SLC7A7: variants seen among roughly 807,000 people sequenced by gnomAD.
The protein encoded by SLC7A7 is Y+L amino acid transporter 1.
In SLC7A7, 39 loss-of-function variants were observed where a neutral mutation model predicts 47.9. The observed-to-expected ratio is 0.81, with a 90% CI of 0.63 to 1.06. The LOEUF (loss-of-function observed/expected upper bound fraction) is 1.06. Ranked by LOEUF, SLC7A7 falls within the 50% of genes least tolerant of loss-of-function variation. The pLI, the probability that SLC7A7 is intolerant of heterozygous loss-of-function variation, is 0.00. For synonymous variants in SLC7A7, 234 were observed against 242.8 expected (o/e 0.96, Z 0.34); for missense variants, 588 against 632.0 (o/e 0.93, Z 0.75).
chr14:22,805,376 A>C (rs2039183650), intron 2 of SLC7A7, among the ~76,000 whole-genome samples: 1 of 152,222 alleles, frequency 6.6e-6, no homozygotes, highest in Non-Finnish European at 1.5e-5. Context: ...AAAGAAAAAG[A>C]AAGGTACGGC....
chr14:22,788,495 GAGTTTGAGA>G (rs2038860342), intron 2 of SLC7A7, among the ~76,000 whole-genome samples: 2 of 151,880 alleles, frequency 1.3e-5, no homozygotes, highest in Non-Finnish European at 2.9e-5. Context: ...ACAAAGTCAG[GAGTTTGAGA>G]TCAGCCTGGC....
At chr14:22,787,479 C>T (rs1163442138) in intron 2 of SLC7A7, among the ~76,000 whole-genome samples, 1 of 150,828 alleles carries the variant, frequency 6.6e-6, no homozygotes, top group Non-Finnish European at 1.5e-5. Context: ...GGGCTGGCAG[C>T]AGTGGCTCAC....
intron 1 of SLC7A7, chr14:22,815,114 A>G (rs2039385473): frequency 2.9e-6 from 1 of 350,180 alleles, no homozygotes; most frequent in Non-Finnish European, 5.6e-6. Flanking sequence ...GAGCCAAGGC[A>G]GGGAGACAGC....
At chr14:22,795,964 G>A (rs1207600443) in intron 2 of SLC7A7, among the ~76,000 whole-genome samples, 2 of 152,160 alleles carry the variant, frequency 1.3e-5, no homozygotes, top group Admixed American at 6.6e-5. Flanking sequence ...GGGACTTGAT[G>A]ATCAAAGCAG....
chr14:22,780,028 C>T lies in SLC7A7; in HGVS notation c.523G>A (p.Ala175Thr), dbSNP rs1460112355. The T allele has an allele frequency of 2.5e-6, 4 of 1,614,030 alleles. No homozygotes were observed. The South Asian group carries it at 3.3e-5, about 13-fold the overall frequency. The change falls in exon 3 of 10, where the codon GCC becomes ACC. Residue 175 changes from alanine to threonine, a missense_variant. Physicochemically the swap from Ala to Thr is moderately conservative, Grantham distance 58 (BLOSUM62 0). Transcript: ENST00000674313. ...CICLLTFINC[A>T]YVKWGTLVQD... ...ACCAGGGTTCCCCATTTGACATAGGCACAGTTAATGAAGGTTAAGAGACCT... is the reference window on the plus strand; with the variant it reads ...ACCAGGGTTCCCCATTTGACATAGGTACAGTTAATGAAGGTTAAGAGACCT...
rs188624265 is a variant in SLC7A7, at chr14:22,811,746, G to A, written c.499+1154C>T. 3.0e-3 allele frequency among the ~76,000 whole-genome samples: 449 copies of A among 151,760 alleles called. 4 individuals carry two copies. The highest frequency in any genetic ancestry group is 4.6e-3 in the Non-Finnish European group (312 of 67,910). On this transcript the variant is annotated intron_variant, in intron 2 of 9. Coordinates refer to ENST00000674313, the MANE Select transcript of SLC7A7 (RefSeq NM_003982.4). ...ACATGCCTGTAATCCCAGCTACTAG[G>A]GAGGCTGAGGCAGGAGAATCACTTG... is the stretch of plus-strand genomic sequence containing the variant.
intron 2 of SLC7A7, among the ~76,000 whole-genome samples, chr14:22,788,497 G>A (rs1173673071): frequency 2.0e-5 from 3 of 152,110 alleles, no homozygotes; most frequent in East Asian, 1.9e-4. Flanking sequence ...AAAGTCAGGA[G>A]TTTGAGATCA....
intron 2 of SLC7A7, among the ~76,000 whole-genome samples, chr14:22,791,983 C>T (rs961290085): frequency 2.2e-4 from 33 of 152,040 alleles, no homozygotes; most frequent in African/African-American, 7.0e-4. Context: ...TACGGGCGTC[C>T]GCCACCACGT....
intron 4 of SLC7A7, among the ~76,000 whole-genome samples, chr14:22,776,669 C>T (rs1033239375): frequency 3.3e-5 from 5 of 151,816 alleles, no homozygotes; most frequent in African/African-American, 1.2e-4. Context: ...CCTGTCTCTA[C>T]AAAAAACTAG....
chr14:22,797,598 T>C lies in SLC7A7; in HGVS notation c.499+15302A>G, dbSNP rs141300432. The stretch of plus-strand genomic sequence containing the variant: ...ACCCACACGTCACTGGAGGAGTGAA[T>C]GGGGTGCAGGCAAGCACCAGGATCA... On this transcript the variant is annotated intron_variant, in intron 2 of 9. Transcript: ENST00000674313. Among the ~76,000 whole-genome samples, 94 of 150,932 alleles carry C rather than the reference T, an allele frequency of 6.2e-4. No homozygotes were observed. In the East Asian group the frequency reaches 0.016, roughly 26 times the overall value.
At chr14:22,814,170 A>C (rs1047053550) in intron 1 of SLC7A7, among the ~76,000 whole-genome samples, 1 of 151,648 alleles carries the variant, frequency 6.6e-6, no homozygotes, top group African/African-American at 2.4e-5. Flanking sequence ...ATTGCTGCCC[A>C]CCCGACTCAC....
chr14:22,790,998 C>CA (rs34516291), intron 2 of SLC7A7, among the ~76,000 whole-genome samples: 58,557 of 113,152 alleles, frequency 0.52, 13,582 homozygotes, highest in Non-Finnish European at 0.58. Flanking sequence ...CTCCGTCTCA[C>CA]AAAAAAAAAA....
At chr14:22,806,118 CA>C (rs753674829) in intron 2 of SLC7A7, among the ~76,000 whole-genome samples, 35,541 of 65,724 alleles carry the variant, frequency 0.54, 6,352 homozygotes, top group Middle Eastern at 0.65. Context: ...GACTCTGTCT[CA>C]AAAAAAAAAA....
chr14:22,784,751 A>T (rs961419726), intron 2 of SLC7A7, among the ~76,000 whole-genome samples: 1 of 152,204 alleles, frequency 6.6e-6, no homozygotes, highest in African/African-American at 2.4e-5. Context: ...CAGCGCTAGA[A>T]CTAAAAGCCA....
At chr14:22,810,917 G>A (rs1398159034) in intron 2 of SLC7A7, among the ~76,000 whole-genome samples, 14 of 152,190 alleles carry the variant, frequency 9.2e-5, no homozygotes, top group African/African-American at 3.4e-4. Flanking sequence ...GGCAGAGGTT[G>A]TGGTGAGCCG....
intron 5 of SLC7A7, 82 bp downstream of exon 5, chr14:22,776,102 GCTGTCTACCCC>G: frequency 6.4e-7 from 1 of 1,564,120 alleles, no homozygotes; most frequent in Non-Finnish European, 8.8e-7. Context: ...TCCTTTCAAG[GCTGTCTACCCC>G]CTTTCCAGGA....
At chr14:22,799,502 T>C (rs1368045599) in intron 2 of SLC7A7, among the ~76,000 whole-genome samples, 7 of 130,658 alleles carry the variant, frequency 5.4e-5, no homozygotes, top group African/African-American at 1.9e-4. Context: ...TCACCCAAGA[T>C]GGAGTGCAGT....
At chr14:22,797,668 G>A (rs2039042047) in intron 2 of SLC7A7, among the ~76,000 whole-genome samples, 1 of 152,024 alleles carries the variant, frequency 6.6e-6, no homozygotes, top group Non-Finnish European at 1.5e-5. Context: ...TGGGGTGGGG[G>A]AGGGGAAGCA....
chr14:22,815,439 G>A (rs1057523639), upstream of SLC7A7: 9 of 454,402 alleles, frequency 2.0e-5, no homozygotes, highest in Admixed American at 2.1e-4. Flanking sequence ...AAAAGGGAAG[G>A]CCAGACAAAT....
Sources: gnomAD v4.1 joint callset for allele counts (sites outside exome capture counted in the v4.1 genomes callset) on GRCh38, gnomAD v4.1.1 for gene constraint, MANE v1.5 for transcripts, NCBI Gene and HGNC (gene_info 2026-07-23, HGNC 2026-07-21) for gene names.